Variants in NTRK1 observed in about 807,000 individuals in gnomAD.
NTRK1 encodes high affinity nerve growth factor receptor.
In NTRK1, 62 loss-of-function variants were observed where a neutral mutation model predicts 86.8. That is an observed-to-expected ratio of 0.71 (90% CI 0.58 to 0.88). The LOEUF (loss-of-function observed/expected upper bound fraction) is 0.88. Ranked by LOEUF, NTRK1 falls within the 40% of genes least tolerant of loss-of-function variation. The pLI, the probability that NTRK1 is intolerant of heterozygous loss-of-function variation, is 0.00. For synonymous variants in NTRK1, 469 were observed against 456.6 expected, an observed-to-expected ratio of 1.03 and a Z score of -0.35; for missense variants, 967 against 1,078.4, an observed-to-expected ratio of 0.90 and a Z score of 1.45.
intron 1 of NTRK1, among the ~76,000 whole-genome samples, chr1:156,828,872 G>T (rs541947029): frequency 6.6e-6 from 1 of 152,332 alleles, no homozygotes; most frequent in South Asian, 2.1e-4. Flanking sequence ...GCATTGCTTT[G>T]TCAACTGTAA....
chr1:156,843,555 G>A, intron 2 of NTRK1: 1 of 1,448,322 alleles, frequency 6.9e-7, no homozygotes, highest in Non-Finnish European at 9.7e-7. Context: ...AAGGAAGAAG[G>A]ACATTTCAAG....
In NTRK1 at chr1:156,874,908, C is replaced by G. The variant is rs1647802837; in HGVS notation, c.1254C>G (p.Val418=). Reference sequence around the variant, plus strand: ...TAACTACCCCTGTCCCCCACCAGGTCTCGGTGGCTGTGGGCCTGGCCGTCT... The same window carrying G: ...TAACTACCCCTGTCCCCCACCAGGTGTCGGTGGCTGTGGGCCTGGCCGTCT... ...VEKKDETPFG[V]SVAVGLAVFA... Residue 418 remains valine, a splice_region_variant and synonymous_variant, in exon 11 of 17, where the codon GTC becomes GTG. Coordinates refer to ENST00000524377, the MANE Select transcript of NTRK1 (RefSeq NM_002529.4). 6.2e-7 allele frequency: 1 copy of G among 1,611,742 alleles called. No homozygotes were observed. Among genetic ancestry groups the G allele is most frequent in the African/African-American group, 1.3e-5 (1 of 74,814 alleles).
rs781352538 is a variant in NTRK1 at position 156,846,672 on chromosome 1, T to G, written c.50+4479T>G. The stretch of plus-strand genomic sequence containing the variant: ...GTCACCCCTGGCTCCTGGGTGCGGC[T>G]TAGGGGCAGCTCCACATCCAGCAGG... On this transcript the variant is annotated intron_variant, in intron 2 of 16. Coordinates refer to the NTRK1 transcript ENST00000392302. 5.0e-6 allele frequency: 8 copies of G among 1,614,060 alleles called. No homozygotes were observed. The Admixed American group carries it at 1.2e-4, about 24-fold the overall frequency.
chr1:156,863,744 G>A (rs2102883982), intron 1 of NTRK1, among the ~76,000 whole-genome samples: 1 of 152,228 alleles, frequency 6.6e-6, no homozygotes, highest in South Asian at 2.1e-4. Context: ...GGCACGTTTG[G>A]GAACACACAT....
chr1:156,855,549 G>T (rs1264798206), intron 2 of NTRK1, among the ~76,000 whole-genome samples: 1 of 152,130 alleles, frequency 6.6e-6, no homozygotes, highest in East Asian at 1.9e-4. Flanking sequence ...CTGGCTGGGT[G>T]CAGTGGCTCA....
chr1:156,848,726 A>C (rs1054057650), intron 2 of NTRK1, among the ~76,000 whole-genome samples: 2 of 152,162 alleles, frequency 1.3e-5, no homozygotes, highest in Admixed American at 1.3e-4. Context: ...TGGTGAGGGG[A>C]AACCGAGGCA....
chr1:156,836,059 C>A (rs1482128565), intron 1 of NTRK1, among the ~76,000 whole-genome samples: 1 of 152,240 alleles, frequency 6.6e-6, no homozygotes, highest in South Asian at 2.1e-4. Flanking sequence ...GTCTTCTCTG[C>A]TTCATCTGTC....
chr1:156,841,023 C>T (rs1224426586), intron 1 of NTRK1: 2 of 1,605,096 alleles, frequency 1.2e-6, no homozygotes, highest in Non-Finnish European at 1.7e-6. Context: ...GCCGCAGCTC[C>T]TCCTGTATGC....
intron 9 of NTRK1, 38 bp downstream of exon 9, chr1:156,874,438 C>T (rs548908383): frequency 6.2e-7 from 1 of 1,614,078 alleles, no homozygotes; most frequent in African/African-American, 1.3e-5. Context: ...TCTGCCTGGT[C>T]TCTGGAGCTG....
chr1:156,834,817 G>A (rs372841847), intron 1 of NTRK1, among the ~76,000 whole-genome samples: 71 of 37,648 alleles, frequency 1.9e-3, no homozygotes, highest in African/African-American at 2.9e-3. Context: ...CCGGGGAGAC[G>A]GGGGGTTGTA....
chr1:156,849,163 C>T (rs900509666), intron 2 of NTRK1: 2 of 1,599,708 alleles, frequency 1.3e-6, no homozygotes, highest in Non-Finnish European at 1.7e-6. Context: ...CTCAGAGTGT[C>T]CCCCTCGAGC....
Position 156,854,259 on chromosome 1 carries a change from G to A in NTRK1, c.51-10095G>A, listed in dbSNP as rs1426112591. ...TCCACCACGCTGCAGTTCTCCAGCTGACGAAGCTCTGCCACCTCTGAGCGA... is the reference window on the plus strand; with the variant it reads ...TCCACCACGCTGCAGTTCTCCAGCTAACGAAGCTCTGCCACCTCTGAGCGA... On this transcript the variant is annotated intron_variant, in intron 2 of 16. Coordinates refer to the NTRK1 transcript ENST00000392302. This position sits in a 1 kb window ranked among gnomAD's most constrained non-coding sequence, Gnocchi z 4.2. 2.5e-6 allele frequency: 4 copies of A among 1,613,610 alleles called. No homozygotes were observed. Among genetic ancestry groups the A allele is most frequent in the African/African-American group, 1.3e-5 (1 of 75,050 alleles).
At chr1:156,874,280 A>T (rs904100734) in intron 8 of NTRK1, 103 bp from the exon 9 acceptor site, 1 of 1,546,808 alleles carries the variant, frequency 6.5e-7, no homozygotes, top group South Asian at 1.1e-5. Flanking sequence ...CGTCCCATGA[A>T]GGAATGAGTC....
At chr1:156,817,729 G>A (rs6660723) in intron 1 of NTRK1, among the ~76,000 whole-genome samples, 43,354 of 148,138 alleles carry the variant, frequency 0.29, 7,701 homozygotes, top group East Asian at 0.69. Context: ...TGCAACTTCC[G>A]CCTCCCAGGT....
In NTRK1 at chr1:156,849,568, G is replaced by A. The variant is rs1367802310; in HGVS notation, c.50+7375G>A. 6.4e-6 allele frequency: 5 copies of A among 781,468 alleles called. No individual in the cohort carries two copies. In the East Asian group the frequency reaches 8.0e-5, roughly 13 times the overall value. 48.4% of individuals were successfully genotyped at this position (781,468 alleles called of 1,614,324 possible). A position where few individuals can be genotyped will look rare whatever the true frequency, so the allele number is the denominator to read the frequency against. On this transcript the variant is annotated intron_variant, in intron 2 of 16. Transcript: ENST00000392302. ...AAGGGTTTTGCTGGGCCCGGGGAGA[G>A]GGGCACTCAGTGGCTGGCTCACACC...
In NTRK1 at chr1:156,842,539, C is replaced by T; in HGVS notation, c.50+346C>T. On this transcript the variant is annotated intron_variant, in intron 2 of 16. Transcript: ENST00000392302. ...ACAGACAAAGGGCCTAGCAGACCCC[C>T]TAGTTCCCCTTGACCCATTTGGCCA... 3 of 1,574,994 alleles carry T rather than the reference C, an allele frequency of 1.9e-6. No individual in the cohort carries two copies. In the South Asian group the frequency reaches 3.3e-5, roughly 17 times the overall value.
At chr1:156,861,219 C>G (rs1282101694) in intron 1 of NTRK1, 73 bp downstream of exon 1, 2 of 1,490,988 alleles carry the variant, frequency 1.3e-6, no homozygotes, top group Non-Finnish European at 1.8e-6. Flanking sequence ...CGCGGACTCG[C>G]TGCTTGTTTG....
At chr1:156,860,109 C>G (rs1215594717), upstream of NTRK1, among the ~76,000 whole-genome samples, 1 of 152,278 alleles carries the variant, frequency 6.6e-6, no homozygotes, top group Non-Finnish European at 1.5e-5. Context: ...CCTGCCCTGC[C>G]TTGCCCTATC....
At chr1:156,863,784 G>T (rs1038652752) in intron 1 of NTRK1, among the ~76,000 whole-genome samples, 1 of 152,188 alleles carries the variant, frequency 6.6e-6, no homozygotes, top group African/African-American at 2.4e-5. Context: ...GTCTGTGCTG[G>T]GTGGGGCAGT....
Sources: gnomAD v4.1 joint callset for allele counts (sites outside exome capture counted in the v4.1 genomes callset) on GRCh38, gnomAD v4.1.1 for gene constraint, Gnocchi (gnomAD v3.1) non-coding constraint, MANE v1.5 for transcripts, NCBI Gene and HGNC (gene_info 2026-07-23, HGNC 2026-07-21) for gene names.